MEF2D: variants seen among roughly 807,000 people sequenced by gnomAD.
The protein encoded by MEF2D is myocyte enhancer factor 2D, also known as myocyte-specific enhancer factor 2D.
MEF2D carries 10 observed loss-of-function variants against 59.3 expected under a neutral mutation model. The observed-to-expected ratio is 0.17, with a 90% CI of 0.10 to 0.29. The LOEUF is 0.29. Ranked by LOEUF, MEF2D falls within the 10% of genes least tolerant of loss-of-function variation. MEF2D has a pLI of 1.00. For synonymous variants in MEF2D, 305 were observed against 295.0 expected (o/e 1.03, Z -0.35); for missense variants, 508 against 699.4 (o/e 0.73, Z 3.09).
At chr1:156,481,166 GGGAGCTGTC>G (rs1431610361) in intron 3 of MEF2D, among the ~76,000 whole-genome samples, 195 bp from the exon 4 acceptor site, 5 of 152,220 alleles carry the variant, frequency 3.3e-5, no homozygotes, top group Non-Finnish European at 7.3e-5. Context: ...TGGGCTTGGT[GGGAGCTGTC>G]GGAACACAGA....
At chr1:156,476,630 C>G in intron 7 of MEF2D, 116 bp from the exon 8 acceptor site, 1 of 1,283,506 alleles carries the variant, frequency 7.8e-7, no homozygotes, top group Non-Finnish European at 1.1e-6. Flanking sequence ...GGTGGCTCTA[C>G]CCAGCCTACA....
chr1:156,474,105 C>G (rs1346955165), intron 9 of MEF2D, among the ~76,000 whole-genome samples: 2 of 152,214 alleles, frequency 1.3e-5, no homozygotes, highest in African/African-American at 2.4e-5. Flanking sequence ...TGTCCTGTCT[C>G]GTCCTCAGGC....
chr1:156,479,422 GA>G, intron 5 of MEF2D, 76 bp from the exon 6 acceptor site: 1 of 1,541,796 alleles, frequency 6.5e-7, no homozygotes, highest in African/African-American at 1.4e-5. Flanking sequence ...TGAACATGAA[GA>G]GGGGACCCCA....
At chr1:156,479,405 TG>T in intron 5 of MEF2D, 59 bp from the exon 6 acceptor site, 1 of 1,577,056 alleles carries the variant, frequency 6.3e-7, no homozygotes. Context: ...GAGTGAGTCT[TG>T]GGGACTGAAC....
At chr1:156,475,075 G>A (rs1483644473) in intron 9 of MEF2D, 33 bp downstream of exon 9, 1 of 1,613,622 alleles carries the variant, frequency 6.2e-7, no homozygotes, top group African/African-American at 1.3e-5. Flanking sequence ...CCAAGCCCAA[G>A]TGCACACATG....
At position 156,482,512 on chromosome 1, in the gene MEF2D, G is replaced by A; in HGVS notation, c.183C>T (p.Asp61=). Residue 61 remains aspartate (D), a synonymous_variant, in exon 3 of 12, where the codon GAC becomes GAT. Coordinates refer to ENST00000348159, the MANE Select transcript of MEF2D (RefSeq NM_005920.4). ...SNKLFQYAST[D]MDKVLLKYTE... ...TGTACTTGAGCAGCACCTTGTCCAT[G>A]TCGGTGCTGGCGTACTGGAACAGCT... The A allele has an allele frequency of 6.2e-7, 1 of 1,614,260 alleles. No individual in the cohort carries two copies. The highest frequency in any genetic ancestry group is 8.5e-7 in the Non-Finnish European group (1 of 1,180,056).
chr1:156,487,357 T>C (rs1385141854), intron 1 of MEF2D, among the ~76,000 whole-genome samples: 2 of 152,228 alleles, frequency 1.3e-5, no homozygotes, highest in South Asian at 2.1e-4. Flanking sequence ...TATAATTCCA[T>C]GCTTCCCAGG....
At position 156,465,186 on chromosome 1, in the gene MEF2D, G is replaced by C. The variant is rs2101946703; in HGVS notation, c.*2459C>G. On this transcript the variant is annotated 3_prime_UTR_variant, in exon 12 of 12. Coordinates refer to ENST00000348159, the MANE Select transcript of MEF2D (RefSeq NM_005920.4). ...GTCAGCGGATTGGGGTTAAGAGTGA[G>C]TAAGTGATCACTGCTCAGCTGAGGG... 6.6e-6 allele frequency: 1 copy of C among 152,472 alleles called. No homozygotes were observed. Among genetic ancestry groups the C allele is most frequent in the African/African-American group, 2.4e-5 (1 of 41,590 alleles). 9.4% of individuals were successfully genotyped at this position (152,472 alleles called of 1,614,324 possible).
At chr1:156,499,759 G>C (rs1185574492) in intron 1 of MEF2D, among the ~76,000 whole-genome samples, 1 of 152,042 alleles carries the variant, frequency 6.6e-6, no homozygotes, top group Non-Finnish European at 1.5e-5. Context: ...TTCTCCAGTT[G>C]GGGTTACTGA....
At chr1:156,487,939 G>C (rs1672475582) in intron 1 of MEF2D, among the ~76,000 whole-genome samples, 1 of 152,230 alleles carries the variant, frequency 6.6e-6, no homozygotes, top group Non-Finnish European at 1.5e-5. Context: ...CCAGGGCTTG[G>C]GAGGACTTGG....
chr1:156,481,467 G>A (rs1274249834), intron 3 of MEF2D, among the ~76,000 whole-genome samples: 1 of 152,180 alleles, frequency 6.6e-6, no homozygotes, highest in Non-Finnish European at 1.5e-5. Context: ...TGGAGACAGA[G>A]AGAGCGGGGA....
At chr1:156,487,823 T>C (rs960547950) in intron 1 of MEF2D, among the ~76,000 whole-genome samples, 1 of 152,202 alleles carries the variant, frequency 6.6e-6, no homozygotes, top group Non-Finnish European at 1.5e-5. Context: ...GCCCCATTCT[T>C]CTCCTGTCTG....
chr1:156,498,613 TC>T (rs1373241187), intron 1 of MEF2D, among the ~76,000 whole-genome samples: 2 of 142,276 alleles, frequency 1.4e-5, no homozygotes, highest in East Asian at 2.3e-4. Flanking sequence ...CTCCCCCCCT[TC>T]CCCCCAGAGA....
intron 2 of MEF2D, 139 bp from the exon 3 acceptor site, chr1:156,482,779 G>T: frequency 1.3e-6 from 1 of 789,938 alleles, no homozygotes; most frequent in Non-Finnish European, 2.1e-6. Context: ...GGTCTCAGGA[G>T]TCCCTGGTTT....
intron 1 of MEF2D, among the ~76,000 whole-genome samples, chr1:156,496,989 T>C (rs1281794042): frequency 6.6e-6 from 1 of 152,188 alleles, no homozygotes; most frequent in Non-Finnish European, 1.5e-5. Flanking sequence ...GCCTTTCCTT[T>C]CGGGAGAGCC....
chr1:156,467,930 G>A (rs772031197), intron 11 of MEF2D, 63 bp downstream of exon 11: 53 of 1,537,884 alleles, frequency 3.4e-5, no homozygotes, highest in South Asian at 8.6e-5. Flanking sequence ...AGGTTAGGGG[G>A]CACGCGGGGC....
rs776659112 is a variant in MEF2D at position 156,480,767 on chromosome 1, T to C, written c.396+67A>G. On this transcript the variant is annotated intron_variant, in intron 4 of 11. Coordinates refer to ENST00000348159, the MANE Select transcript of MEF2D (RefSeq NM_005920.4). ...AGGGCTCTCACATTCCCTGTGCTTC[T>C]TGTGCAGCGCCTGGGGGGAAGGGGC... The C allele has an allele frequency of 1.3e-5, 20 of 1,596,410 alleles. No individual in the cohort carries two copies. In the Admixed American group the frequency reaches 2.2e-4, roughly 18 times the overall value.
At chr1:156,491,113 T>A (rs1672758694) in intron 1 of MEF2D, among the ~76,000 whole-genome samples, 1 of 152,076 alleles carries the variant, frequency 6.6e-6, no homozygotes, top group Non-Finnish European at 1.5e-5. Context: ...TGAGTCCCAG[T>A]AGAGAAGGGA....
At chr1:156,500,346 T>A (rs1307838584) in intron 1 of MEF2D, 140 bp downstream of exon 1, 2 of 153,014 alleles carry the variant, frequency 1.3e-5, no homozygotes, top group East Asian at 1.9e-4. Context: ...ACGGCCCGCT[T>A]CGCGAGTTCC....
Sources: allele counts gnomAD v4.1 joint callset (sites outside exome capture counted in the v4.1 genomes callset), GRCh38; gene constraint gnomAD v4.1.1; transcripts MANE v1.5; gene names NCBI Gene and HGNC (gene_info 2026-07-23, HGNC 2026-07-21).